SLC25A26: variants seen among roughly 807,000 people sequenced by gnomAD.
SLC25A26 encodes mitochondrial S-adenosylmethionine carrier protein.
A neutral mutation model predicts 37.8 loss-of-function variants in SLC25A26; 36 were observed. The ratio of observed to expected loss-of-function variants is 0.95; its 90% CI spans 0.73 to 1.26. SLC25A26 has a LOEUF of 1.26. SLC25A26 is among the 50% of genes most tolerant of loss of function. The pLI is 0.00. For synonymous variants in SLC25A26, 129 were observed against 122.5 expected (o/e 1.05, Z -0.35); for missense variants, 390 against 331.1 (o/e 1.18, Z -1.38).
At chr3:66,210,940 A>G (rs1426319947) in intron 1 of SLC25A26, among the ~76,000 whole-genome samples, 5 of 152,350 alleles carry the variant, frequency 3.3e-5, no homozygotes, top group Admixed American at 2.6e-4. Flanking sequence ...AAGCAAACAT[A>G]TGTCTACTGA....
intron 5 of SLC25A26, among the ~76,000 whole-genome samples, chr3:66,322,839 T>C (rs2075732789): frequency 6.6e-6 from 1 of 152,228 alleles, no homozygotes; most frequent in African/African-American, 2.4e-5. Flanking sequence ...CCACAGATCA[T>C]TGATATAAAG....
intron 1 of SLC25A26, among the ~76,000 whole-genome samples, chr3:66,170,791 GTTTTTTTTTTTTTTTT>G (rs36147154): frequency 9.8e-5 from 5 of 50,904 alleles, no homozygotes; most frequent in East Asian, 1.6e-3. Flanking sequence ...TGTGATTATT[GTTTTTTTTTTTTTTTT>G]TTTTTTTTTT....
At chr3:66,376,749 C>CTCT (rs1700671640) in intron 9 of SLC25A26, among the ~76,000 whole-genome samples, 1 of 152,164 alleles carries the variant, frequency 6.6e-6, no homozygotes, top group African/African-American at 2.4e-5. Flanking sequence ...CATGCCTGTA[C>CTCT]TCTTGGTGAA....
intron 6 of SLC25A26, among the ~76,000 whole-genome samples, chr3:66,356,916 C>T (rs1303482565): frequency 2.6e-5 from 4 of 152,130 alleles, no homozygotes; most frequent in African/African-American, 9.7e-5. Flanking sequence ...AGGCACGAGC[C>T]GCTGCACTCG....
chr3:66,237,412 T>G (rs938037243), intron 2 of SLC25A26, among the ~76,000 whole-genome samples: 19 of 152,058 alleles, frequency 1.2e-4, no homozygotes, highest in African/African-American at 3.6e-4. Flanking sequence ...GTATTAGGAG[T>G]TTTAATAACT....
chr3:66,272,338 A>C (rs1376514411), intron 5 of SLC25A26, among the ~76,000 whole-genome samples: 1 of 152,060 alleles, frequency 6.6e-6, no homozygotes, highest in East Asian at 1.9e-4. Flanking sequence ...AAACAGATAA[A>C]TTTTTTCTGG....
At chr3:66,295,830 C>T (rs1235104650) in intron 5 of SLC25A26, among the ~76,000 whole-genome samples, 1 of 151,608 alleles carries the variant, frequency 6.6e-6, no homozygotes, top group African/African-American at 2.4e-5. Context: ...TTTTTAAATT[C>T]CATTTCTTGT....
intron 6 of SLC25A26, among the ~76,000 whole-genome samples, chr3:66,357,986 A>G (rs1000704574): frequency 1.1e-4 from 17 of 152,202 alleles, no homozygotes; most frequent in African/African-American, 4.1e-4. Flanking sequence ...TACATGTAAA[A>G]TCTTTAGCAT....
At chr3:66,260,624 C>T (rs1395196363) in intron 3 of SLC25A26, among the ~76,000 whole-genome samples, 1 of 152,172 alleles carries the variant, frequency 6.6e-6, no homozygotes, top group African/African-American at 2.4e-5. Flanking sequence ...AATCACATCA[C>T]ATGGTGTCTT....
At chr3:66,312,686 A>G (rs1166890723) in intron 5 of SLC25A26, among the ~76,000 whole-genome samples, 1 of 152,108 alleles carries the variant, frequency 6.6e-6, no homozygotes, top group African/African-American at 2.4e-5. Context: ...GGAAAAGCAT[A>G]GTATTTGGGC....
intron 5 of SLC25A26, among the ~76,000 whole-genome samples, chr3:66,317,681 T>C (rs916554304): frequency 1.3e-5 from 2 of 152,230 alleles, no homozygotes; most frequent in South Asian, 4.1e-4. Flanking sequence ...TCATCCAGGC[T>C]GCCCTGACTC....
intron 6 of SLC25A26, among the ~76,000 whole-genome samples, chr3:66,349,854 C>T (rs898963518): frequency 2.0e-5 from 3 of 152,116 alleles, no homozygotes; most frequent in African/African-American, 7.2e-5. Context: ...GCTCTACATC[C>T]ATGTCATTTC....
At chr3:66,313,726 G>A (rs2107612819) in intron 5 of SLC25A26, among the ~76,000 whole-genome samples, 1 of 152,218 alleles carries the variant, frequency 6.6e-6, no homozygotes, top group South Asian at 2.1e-4. Flanking sequence ...GGCCATTTTT[G>A]TAATACTGAT....
At chr3:66,171,540 G>T (rs889455062) in intron 1 of SLC25A26, among the ~76,000 whole-genome samples, 1 of 151,792 alleles carries the variant, frequency 6.6e-6, no homozygotes, top group African/African-American at 2.4e-5. Context: ...CCCAGGATGT[G>T]GTGCAGTGGT....
intron 1 of SLC25A26, among the ~76,000 whole-genome samples, chr3:66,138,084 T>C (rs1278265793): frequency 6.6e-6 from 1 of 152,176 alleles, no homozygotes; most frequent in African/African-American, 2.4e-5. Context: ...TCCACCCGCC[T>C]CAGCCTCCCA....
intron 5 of SLC25A26, among the ~76,000 whole-genome samples, chr3:66,271,853 T>G (rs566795036): frequency 8.5e-5 from 13 of 152,232 alleles, no homozygotes; most frequent in African/African-American, 2.9e-4. Context: ...TTCTCCTCTG[T>G]AAATGGAAAT....
At chr3:66,251,800 TTC>T (rs935892471) in intron 3 of SLC25A26, among the ~76,000 whole-genome samples, 1 of 152,220 alleles carries the variant, frequency 6.6e-6, no homozygotes, top group Non-Finnish European at 1.5e-5. Context: ...TCAGATTGTT[TTC>T]TGTTGTATGG....
At chr3:66,186,316 C>T (rs2070826132) in intron 1 of SLC25A26, among the ~76,000 whole-genome samples, 1 of 151,730 alleles carries the variant, frequency 6.6e-6, no homozygotes, top group African/African-American at 2.4e-5. Flanking sequence ...TGACCCTAAA[C>T]TGGACTCTGA....
intron 1 of SLC25A26, among the ~76,000 whole-genome samples, chr3:66,222,373 G>A (rs1174999969): frequency 6.6e-6 from 1 of 151,998 alleles, no homozygotes; most frequent in Non-Finnish European, 1.5e-5. Context: ...GTGGAGACGG[G>A]GTTTCACCGT....
Sources: allele counts gnomAD v4.1 joint callset (sites outside exome capture counted in the v4.1 genomes callset), GRCh38; gene constraint gnomAD v4.1.1; transcripts MANE v1.5; gene names NCBI Gene and HGNC (gene_info 2026-07-23, HGNC 2026-07-21).